Variants in TXNRD1 observed in about 807,000 individuals in gnomAD.
TXNRD1 encodes the protein thioredoxin reductase 1, also known as thioredoxin reductase 1, cytoplasmic.
A neutral mutation model predicts 80.3 loss-of-function variants in TXNRD1; 57 were observed. The observed-to-expected ratio is 0.71, with a 90% confidence interval of 0.57 to 0.89. The LOEUF is 0.89. TXNRD1 is among the 40% of genes least tolerant of loss of function. The probability of loss-of-function intolerance (pLI) is 0.00; values close to 1 mark genes in which losing one functional copy is unlikely to be tolerated. For missense variants in TXNRD1, 730 were observed against 803.0 expected, an observed-to-expected ratio of 0.91 and a Z score of 1.10; for synonymous variants, 291 against 285.2, an observed-to-expected ratio of 1.02 and a Z score of -0.20.
intron 1 of TXNRD1, among the ~76,000 whole-genome samples, chr12:104,240,426 A>G (rs73394536): frequency 0.047 from 7,224 of 152,272 alleles, 206 homozygotes; most frequent in Middle Eastern, 0.14. Context: ...TGAACATTTT[A>G]GTGAACTAGG....
chr12:104,246,476 A>T (rs967755727), intron 1 of TXNRD1, among the ~76,000 whole-genome samples: 1 of 151,644 alleles, frequency 6.6e-6, no homozygotes, highest in Non-Finnish European at 1.5e-5. Context: ...CAAATTATCA[A>T]GTCATCATTG....
At chr12:104,256,975 TC>T (rs558575148) in intron 2 of TXNRD1, among the ~76,000 whole-genome samples, 10,271 of 132,688 alleles carry the variant, frequency 0.077, 855 homozygotes, top group African/African-American at 0.14. Context: ...TATTTTCTTT[TC>T]TTTTTTTTTT....
intron 3 of TXNRD1, chr12:104,286,927 T>G (rs1047004674): frequency 5.9e-6 from 7 of 1,180,150 alleles, no homozygotes; most frequent in African/African-American, 1.6e-5. Context: ...GGAGTGGATT[T>G]CTGCTTTGTC....
rs560293482 is a variant in TXNRD1, at chr12:104,349,458, A to T, written c.*1037A>T. 1 of 152,780 alleles carries T rather than the reference A, an allele frequency of 6.5e-6. No homozygotes were observed. The highest frequency in any genetic ancestry group is 2.4e-5 in the African/African-American group (1 of 41,570). 9.5% of individuals were successfully genotyped at this position (152,780 alleles called of 1,614,324 possible). Reference sequence around the variant, plus strand: ...TAATTGCTTTTTAAAGGAAGTTATTAATATCATAAGTTATTATTAATATTT... The same window carrying T: ...TAATTGCTTTTTAAAGGAAGTTATTTATATCATAAGTTATTATTAATATTT... On this transcript the variant is annotated 3_prime_UTR_variant, in exon 17 of 17. Transcript: ENST00000525566.
In TXNRD1 at chr12:104,343,807, AAAAT is replaced by A. The variant is rs1426329914; in HGVS notation, c.1881+4538_1882-4539del. ...CAGTGAGACCCTGTCTCAAAAAAAA[AAAAT>A]AAAACAAAATGGCCTGGCTCAGTGG... On this transcript the variant is annotated intron_variant, in intron 16 of 16. Transcript: ENST00000525566. Among the ~76,000 whole-genome samples, 5 of 150,754 alleles carry A rather than the reference AAAAT, an allele frequency of 3.3e-5. No homozygotes were observed. In the South Asian group the frequency reaches 6.5e-4, roughly 19 times the overall value.
At chr12:104,255,585 G>A (rs1483174064) in intron 2 of TXNRD1, among the ~76,000 whole-genome samples, 1 of 152,112 alleles carries the variant, frequency 6.6e-6, no homozygotes, top group African/African-American at 2.4e-5. Context: ...GATCACCTGA[G>A]GTCAGGAGAC....
At chr12:104,296,951 C>G (rs929166641) in intron 4 of TXNRD1, among the ~76,000 whole-genome samples, 31 of 152,286 alleles carry the variant, frequency 2.0e-4, no homozygotes, top group African/African-American at 7.2e-4. Context: ...TGACATCGGG[C>G]TAGGCACTAT....
chr12:104,215,843 C>A lies in TXNRD1; in HGVS notation c.41C>A (p.Pro14Gln). 1 of 1,561,050 alleles carries A rather than the reference C, an allele frequency of 6.4e-7. No homozygotes were observed. The highest frequency in any genetic ancestry group is 8.7e-7 in the Non-Finnish European group (1 of 1,153,870). The change falls in exon 1 of 17, where the codon CCA becomes CAA. Residue 14 changes from proline to glutamine, a missense_variant. By Grantham distance (76) the Pro-to-Gln change is moderately conservative (BLOSUM62 -1). Coordinates refer to ENST00000525566, the MANE Select transcript of TXNRD1 (RefSeq NM_001093771.3). ...GGCAAGGCAGTGGCGGCGGCCGCCC[C>A]AACGGAGCTGCAGACGAAAGGCAAG... is the stretch of plus-strand genomic sequence containing the variant. ...AEGKAVAAAAPTELQTKGKNG... is the reference protein window; with the variant it reads ...AEGKAVAAAAQTELQTKGKNG...
chr12:104,327,620 C>A lies in TXNRD1; in HGVS notation c.1491C>A (p.Ile497=). Residue 497 remains isoleucine (I), a synonymous_variant, in exon 13 of 17, where the codon ATC becomes ATA. Transcript: ENST00000525566. ...EDKVELTPVA[I]QAGRLLAQRL... ...AGGTGGAGCTCACCCCAGTTGCAAT[C>A]CAGGCAGGAAGATTGCTGGCTCAGA... is the stretch of plus-strand genomic sequence containing the variant. The A allele has an allele frequency of 6.2e-7, 1 of 1,613,620 alleles. No homozygotes were observed.
In TXNRD1 at chr12:104,327,534, A is replaced by G. The variant is rs200564560; in HGVS notation, c.1405A>G (p.Thr469Ala). 5 of 1,612,764 alleles carry G rather than the reference A, an allele frequency of 3.1e-6. No homozygotes were observed. Among genetic ancestry groups the G allele is most frequent in the East Asian group, 2.2e-5 (1 of 44,878 alleles). Residue 469 changes from threonine (T) to alanine (A), a missense_variant, in exon 13 of 17, where the codon ACA (threonine) becomes GCA (alanine). By Grantham distance (58) the Thr-to-Ala change is moderately conservative. Coordinates refer to ENST00000525566, the MANE Select transcript of TXNRD1 (RefSeq NM_001093771.3). ...TTGCAGGACTGGAAAAATACCTGTC[A>G]CAGATGAAGAACAGACCAATGTGCC... Reference protein sequence around the residue: ...INEKTGKIPVTDEEQTNVPYI... With the variant: ...INEKTGKIPVADEEQTNVPYI...
At chr12:104,275,801 T>C (rs2033745999) in intron 3 of TXNRD1, among the ~76,000 whole-genome samples, 1 of 152,242 alleles carries the variant, frequency 6.6e-6, no homozygotes, top group African/African-American at 2.4e-5. Flanking sequence ...CATGGATTTA[T>C]ACCATGCATG....
chr12:104,256,986 TTTTTTCAAGAATCA>T (rs1190027887), intron 2 of TXNRD1, among the ~76,000 whole-genome samples: 1 of 149,176 alleles, frequency 6.7e-6, no homozygotes, highest in Non-Finnish European at 1.5e-5. Flanking sequence ...CTTTTTTTTT[TTTTTTCAAGAATCA>T]TTTTCCTCAT....
chr12:104,320,961 T>C, intron 9 of TXNRD1, 130 bp from the exon 10 acceptor site: 2 of 686,506 alleles, frequency 2.9e-6, no homozygotes, highest in East Asian at 5.2e-5. Context: ...ATTATGTGTG[T>C]AGCTAGTAGA....
At chr12:104,223,573 C>A (rs1268708242) in intron 1 of TXNRD1, among the ~76,000 whole-genome samples, 2 of 152,216 alleles carry the variant, frequency 1.3e-5, no homozygotes, top group African/African-American at 4.8e-5. Context: ...AGCATGGTTT[C>A]GCTGTACCAT....
At chr12:104,336,396 T>C (rs895104774) in intron 15 of TXNRD1, among the ~76,000 whole-genome samples, 1 of 152,230 alleles carries the variant, frequency 6.6e-6, no homozygotes, top group Non-Finnish European at 1.5e-5. Flanking sequence ...CTGTTACTGC[T>C]CTTTTGTCAT....
At chr12:104,242,795 A>C (rs2032903092) in intron 1 of TXNRD1, among the ~76,000 whole-genome samples, 1 of 151,746 alleles carries the variant, frequency 6.6e-6, no homozygotes, top group African/African-American at 2.4e-5. Context: ...GTGTCTAGTT[A>C]CAGTGGTAGC....
At chr12:104,268,254 G>A (rs1158225954) in intron 3 of TXNRD1, among the ~76,000 whole-genome samples, 1 of 150,024 alleles carries the variant, frequency 6.7e-6, no homozygotes, top group African/African-American at 2.4e-5. Context: ...GCTCACGCCT[G>A]TAATCCCAGC....
chr12:104,327,729 T>C (rs771541587), intron 13 of TXNRD1, 58 bp downstream of exon 13: 3 of 1,550,564 alleles, frequency 1.9e-6, no homozygotes, highest in East Asian at 2.3e-5. Context: ...CCCAGTTCCT[T>C]ATTTAGGGGG....
At position 104,246,119 on chromosome 12, in the gene TXNRD1, C is replaced by CAA. The variant is rs34505052; in HGVS notation, c.92-5391_92-5390dup. ...TGGGCGATACAGCGAGACTCTGTCT[C>CAA]AAAAAAAAAAAAAAAAAACTTTTCC... On this transcript the variant is annotated intron_variant, in intron 1 of 16. Coordinates refer to ENST00000525566, the MANE Select transcript of TXNRD1 (RefSeq NM_001093771.3). 9.6e-3 allele frequency among the ~76,000 whole-genome samples: 798 copies of CAA among 82,746 alleles called. 17 individuals are homozygous for CAA. The highest frequency in any genetic ancestry group is 0.015 in the South Asian group (33 of 2,224). 54.3% of individuals were successfully genotyped at this position (82,746 alleles called of 152,430 possible).
Sources: gnomAD v4.1 joint callset for allele counts (sites outside exome capture counted in the v4.1 genomes callset) on GRCh38, gnomAD v4.1.1 for gene constraint, MANE v1.5 for transcripts, NCBI Gene and HGNC (gene_info 2026-07-23, HGNC 2026-07-21) for gene names.